The following CCDC83 variants were observed in gnomAD, a reference collection of about 807,000 sequenced individuals.
CCDC83 encodes the protein coiled-coil domain containing 83, also known as coiled-coil domain-containing protein 83.
Under a neutral mutation model 50.1 loss-of-function variants are expected in CCDC83, and 54 were observed. The observed-to-expected ratio is 1.08, with a 90% confidence interval of 0.87 to 1.35. The LOEUF (loss-of-function observed/expected upper bound fraction) is 1.35, where lower values mean the gene tolerates loss of function less well. Among genes scored for constraint, CCDC83 ranks in the 40% most tolerant of loss-of-function variants. The pLI is 0.00. For synonymous variants in CCDC83, 161 were observed against 153.3 expected, an observed-to-expected ratio of 1.05 and a Z score of -0.37; for missense variants, 518 against 473.9, an observed-to-expected ratio of 1.09 and a Z score of -0.86.
chr11:85,916,390 C>T (rs1019607174), intron 10 of CCDC83, 157 bp downstream of exon 10: 10 of 646,254 alleles, frequency 1.5e-5, no homozygotes, highest in Admixed American at 5.8e-5. Flanking sequence ...CATTTGGATA[C>T]CATTTTCACT....
intron 7 of CCDC83, among the ~76,000 whole-genome samples, chr11:85,906,066 TTC>T (rs1370635912): frequency 6.6e-6 from 1 of 151,134 alleles, no homozygotes; most frequent in African/African-American, 2.4e-5. Context: ...AACTTAACAA[TTC>T]TCTCTTTTTT....
Position 85,919,521 on chromosome 11 carries a change from T to C in CCDC83, c.*11T>C. 5 of 1,595,326 alleles carry C rather than the reference T, an allele frequency of 3.1e-6. No homozygotes were observed. The highest frequency in any genetic ancestry group is 4.3e-6 in the Non-Finnish European group (5 of 1,170,612). ...AAGTCTTTTCTCTAAGACGGAAAGC[T>C]GCAAAGGAAACACAACTTTTCCTTA... On this transcript the variant is annotated 3_prime_UTR_variant, in exon 11 of 11. Coordinates refer to ENST00000342404, the MANE Select transcript of CCDC83 (RefSeq NM_001286159.2).
intron 2 of CCDC83, among the ~76,000 whole-genome samples, chr11:85,867,983 A>C (rs893474642): frequency 1.3e-5 from 2 of 151,466 alleles, no homozygotes; most frequent in Non-Finnish European, 2.9e-5. Flanking sequence ...ACACATAGCC[A>C]AGACATTTCC....
intron 2 of CCDC83, among the ~76,000 whole-genome samples, chr11:85,871,292 C>T (rs1487201806): frequency 6.6e-6 from 1 of 152,164 alleles, no homozygotes; most frequent in Non-Finnish European, 1.5e-5. Context: ...ATTTAAATTG[C>T]AGAATTTTGT....
chr11:85,911,547 G>A (rs2135137713), intron 8 of CCDC83, 145 bp downstream of exon 8: 1 of 644,556 alleles, frequency 1.6e-6, no homozygotes, highest in Non-Finnish European at 2.5e-6. Flanking sequence ...AATGCTCATG[G>A]TGAAGGTATA....
At chr11:85,867,780 CA>C (rs937308448) in intron 2 of CCDC83, among the ~76,000 whole-genome samples, 5 of 152,154 alleles carry the variant, frequency 3.3e-5, no homozygotes, top group African/African-American at 1.2e-4. Context: ...TACAAAAAGG[CA>C]AACGTTTAAA....
At chr11:85,872,144 G>C (rs897658391) in intron 2 of CCDC83, among the ~76,000 whole-genome samples, 5 of 151,988 alleles carry the variant, frequency 3.3e-5, no homozygotes, top group Non-Finnish European at 5.9e-5. Flanking sequence ...GTAGGGACAG[G>C]GTTTTGCCAT....
intron 3 of CCDC83, among the ~76,000 whole-genome samples, chr11:85,878,504 G>A (rs1565139095): frequency 6.6e-6 from 1 of 152,232 alleles, no homozygotes; most frequent in East Asian, 1.9e-4. Context: ...AGGTTGTTGT[G>A]TGTGTTATCA....
chr11:85,861,557 A>G (rs1042008525), intron 1 of CCDC83, among the ~76,000 whole-genome samples: 1 of 152,216 alleles, frequency 6.6e-6, no homozygotes, highest in African/African-American at 2.4e-5. Flanking sequence ...ATTTTAATCT[A>G]CATTGTATGT....
At position 85,896,400 on chromosome 11, in the gene CCDC83, C is replaced by CAA. The variant is rs58450617; in HGVS notation, c.603+1042_603+1043dup. Among the ~76,000 whole-genome samples the CAA allele has an allele frequency of 1.4e-3, 70 of 50,404 alleles. 1 individual carries two copies. The highest frequency in any genetic ancestry group is 3.2e-3 in the East Asian group (4 of 1,232). 33.1% of individuals were successfully genotyped at this position (50,404 alleles called of 152,430 possible). A position where few individuals can be genotyped will look rare whatever the true frequency, so the allele number is the denominator to read the frequency against. On this transcript the variant is annotated intron_variant, in intron 6 of 10. Coordinates refer to ENST00000342404, the MANE Select transcript of CCDC83 (RefSeq NM_001286159.2). ...TGGGCAACAAAGTGAGACCTTGTCT[C>CAA]AAAAAAAAAAAAAAAAAAAAAAAAA...
At chr11:85,885,686 G>A (rs972289395) in intron 4 of CCDC83, among the ~76,000 whole-genome samples, 3 of 152,146 alleles carry the variant, frequency 2.0e-5, no homozygotes, top group African/African-American at 7.2e-5. Context: ...ACTATCAGAG[G>A]CTATCATTTC....
chr11:85,879,138 A>G (rs930577079), intron 3 of CCDC83, among the ~76,000 whole-genome samples: 1 of 152,200 alleles, frequency 6.6e-6, no homozygotes, highest in African/African-American at 2.4e-5. Context: ...ATTTTAATGA[A>G]GTCCAGTTTA....
At chr11:85,866,412 G>T (rs1178420072) in intron 2 of CCDC83, among the ~76,000 whole-genome samples, 1 of 152,162 alleles carries the variant, frequency 6.6e-6, no homozygotes, top group Non-Finnish European at 1.5e-5. Context: ...TGACAGGGTG[G>T]TATGGTGGCT....
intron 5 of CCDC83, among the ~76,000 whole-genome samples, chr11:85,891,165 C>T (rs1447122010): frequency 6.6e-6 from 1 of 152,182 alleles, no homozygotes; most frequent in Non-Finnish European, 1.5e-5. Context: ...TCCCACAGAA[C>T]AGTCCTTGCA....
At chr11:85,858,840 G>T (rs1045626539) in intron 1 of CCDC83, among the ~76,000 whole-genome samples, 1 of 152,162 alleles carries the variant, frequency 6.6e-6, no homozygotes, top group Non-Finnish European at 1.5e-5. Flanking sequence ...AGGAACTGTT[G>T]TTTGAATTTT....
intron 5 of CCDC83, among the ~76,000 whole-genome samples, chr11:85,889,991 G>T (rs1333606573): frequency 6.6e-6 from 1 of 152,186 alleles, no homozygotes; most frequent in African/African-American, 2.4e-5. Context: ...GCCAGGAAAA[G>T]GTTGTTAGAA....
intron 7 of CCDC83, among the ~76,000 whole-genome samples, chr11:85,906,066 TTCTC>T (rs1370635912): frequency 6.6e-6 from 1 of 151,134 alleles, no homozygotes. Flanking sequence ...AACTTAACAA[TTCTC>T]TCTTTTTTTT....
intron 5 of CCDC83, among the ~76,000 whole-genome samples, chr11:85,888,917 A>T: frequency 6.6e-6 from 1 of 152,224 alleles, no homozygotes. Flanking sequence ...GCATTTGTTA[A>T]CCAGTAGAAT....
At chr11:85,870,303 G>A (rs1453345468) in intron 2 of CCDC83, among the ~76,000 whole-genome samples, 5 of 152,104 alleles carry the variant, frequency 3.3e-5, no homozygotes, top group South Asian at 2.1e-4. Context: ...GTCTATTAAC[G>A]AGCCCATCTG....
Sources: allele counts gnomAD v4.1 joint callset (sites outside exome capture counted in the v4.1 genomes callset), GRCh38; gene constraint gnomAD v4.1.1; transcripts MANE v1.5; gene names NCBI Gene and HGNC (gene_info 2026-07-23, HGNC 2026-07-21).